The following FRMPD4 variants were observed in gnomAD, a reference collection of about 807,000 sequenced individuals.
The protein encoded by FRMPD4 is FERM and PDZ domain containing 4, also known as FERM and PDZ domain-containing protein 4.
In FRMPD4, 22 loss-of-function variants were observed where a neutral mutation model predicts 94.1. That is an observed-to-expected ratio of 0.23 (90% CI 0.17 to 0.33). FRMPD4 has a LOEUF of 0.33. FRMPD4 is among the 10% of genes least tolerant of loss of function. The pLI, the probability that FRMPD4 is intolerant of heterozygous loss-of-function variation, is 1.00. For synonymous variants in FRMPD4, 631 were observed against 548.6 expected (o/e 1.15, Z -2.10); for missense variants, 1,111 against 1,339.9 (o/e 0.83, Z 2.67).
chrX:12,701,834 A>C lies in FRMPD4; in HGVS notation c.934-40A>C, dbSNP rs762027673. The C allele has an allele frequency of 2.5e-6, 3 of 1,200,346 alleles. No individual in the cohort carries two copies. The Admixed American group carries it at 6.6e-5, about 26-fold the overall frequency. On this transcript the variant is annotated intron_variant, in intron 9 of 16. Coordinates refer to ENST00000675598, the MANE Select transcript of FRMPD4 (RefSeq NM_001368397.1). Reference sequence around the variant, plus strand: ...TCTGTAAGTCCACGCGCTGCGGCCTATTCTTTGACAAGCTGTGCCCCCTGC... The same window carrying C: ...TCTGTAAGTCCACGCGCTGCGGCCTCTTCTTTGACAAGCTGTGCCCCCTGC...
chrX:12,544,139 G>T (rs1316319740), intron 2 of FRMPD4, among the ~76,000 whole-genome samples: 1 of 108,133 alleles, frequency 9.2e-6, no homozygotes, highest in Non-Finnish European at 1.9e-5. Flanking sequence ...TAATGTAAAT[G>T]ACGAGTTAAT....
chrX:12,162,964 C>A (rs1269122034), intron 1 of FRMPD4, among the ~76,000 whole-genome samples: 1 of 111,804 alleles, frequency 8.9e-6, no homozygotes, highest in East Asian at 2.8e-4. Context: ...TCCAGATTGA[C>A]TGTATTAAAT....
intron 4 of FRMPD4, among the ~76,000 whole-genome samples, chrX:12,658,189 A>G (rs2059677994): frequency 8.9e-6 from 1 of 112,228 alleles, no homozygotes; most frequent in African/African-American, 3.2e-5. Flanking sequence ...ATTTAAAGTC[A>G]GCCTCTAGTA....
intron 1 of FRMPD4, among the ~76,000 whole-genome samples, chrX:12,275,461 A>T (rs988754842): frequency 1.3e-4 from 14 of 111,029 alleles, no homozygotes; most frequent in African/African-American, 4.3e-4. Flanking sequence ...GAACAACCTA[A>T]TACAGAATGC....
At chrX:12,053,426 GAA>G (rs1569149853) in intron 3 of FRMPD4, among the ~76,000 whole-genome samples, 9 of 93,144 alleles carry the variant, frequency 9.7e-5, no homozygotes, top group African/African-American at 1.2e-4. Context: ...AAGAAAGAAA[GAA>G]AGAGAAAGAA....
At chrX:11,869,523 C>T (rs1178088300) in intron 2 of FRMPD4, among the ~76,000 whole-genome samples, 2 of 111,897 alleles carry the variant, frequency 1.8e-5, no homozygotes, top group Non-Finnish European at 3.8e-5. Flanking sequence ...TTTAATCATA[C>T]CACATTATAT....
chrX:12,477,716 T>C (rs1051212514), intron 1 of FRMPD4, among the ~76,000 whole-genome samples: 3 of 112,943 alleles, frequency 2.7e-5, no homozygotes, highest in South Asian at 7.3e-4. Flanking sequence ...GACAAATATT[T>C]GTTACATGCT....
chrX:12,055,435 A>T, intron 3 of FRMPD4, among the ~76,000 whole-genome samples: 1 of 110,599 alleles, frequency 9.0e-6, no homozygotes, highest in East Asian at 2.9e-4. Flanking sequence ...ACCTCCCTGC[A>T]CCCCTCTCTT....
chrX:12,299,779 T>C (rs1023781937), intron 1 of FRMPD4, among the ~76,000 whole-genome samples: 2 of 112,005 alleles, frequency 1.8e-5, no homozygotes, highest in African/African-American at 6.5e-5. Context: ...AAGTAAGTCA[T>C]GCTGACAATA....
At chrX:12,133,488 G>A, upstream of FRMPD4, among the ~76,000 whole-genome samples, 1 of 110,899 alleles carries the variant, frequency 9.0e-6, no homozygotes, top group East Asian at 2.8e-4. Flanking sequence ...GCAGTAGCAT[G>A]ATCAGAGCTC....
intron 9 of FRMPD4, among the ~76,000 whole-genome samples, chrX:12,696,065 A>G (rs1190064615): frequency 8.9e-6 from 1 of 112,838 alleles, no homozygotes; most frequent in Non-Finnish European, 1.9e-5. Context: ...TGAATCCATT[A>G]TTATAATTGT....
intron 1 of FRMPD4, among the ~76,000 whole-genome samples, chrX:12,357,708 T>C (rs1229245332): frequency 1.8e-5 from 2 of 112,434 alleles, no homozygotes; most frequent in Non-Finnish European, 3.8e-5. Context: ...GTGAGGCACA[T>C]TTAACCTGCT....
chrX:12,090,563 G>A (rs751160613), intron 3 of FRMPD4, among the ~76,000 whole-genome samples: 16 of 110,417 alleles, frequency 1.4e-4, no homozygotes, highest in South Asian at 3.8e-4. Flanking sequence ...ACTTTTTTCC[G>A]ATACAGTGAG....
chrX:12,369,500 T>C (rs1260420268), intron 1 of FRMPD4, among the ~76,000 whole-genome samples: 3 of 112,318 alleles, frequency 2.7e-5, no homozygotes, highest in Non-Finnish European at 5.6e-5. Flanking sequence ...AGATGTGTAG[T>C]TTAGAATGGG....
At chrX:12,224,226 ATTTTG>A (rs1456425479) in intron 1 of FRMPD4, among the ~76,000 whole-genome samples, 9 of 111,341 alleles carry the variant, frequency 8.1e-5, no homozygotes, top group African/African-American at 2.6e-4. Flanking sequence ...TAACTTGGAT[ATTTTG>A]TTTTGTTTTA....
At chrX:11,949,585 C>T (rs897291443) in intron 3 of FRMPD4, among the ~76,000 whole-genome samples, 4 of 111,823 alleles carry the variant, frequency 3.6e-5, no homozygotes, top group African/African-American at 9.8e-5. Flanking sequence ...TATGTGTATA[C>T]GCATGTGTTG....
At chrX:12,137,335 G>GT (rs1288852727), upstream of FRMPD4, among the ~76,000 whole-genome samples, 1 of 112,889 alleles carries the variant, frequency 8.9e-6, no homozygotes, top group Non-Finnish European at 1.9e-5. Flanking sequence ...TTTAGTACTA[G>GT]GCTTGAATAC....
chrX:12,366,829 G>A (rs1352606956), intron 1 of FRMPD4, among the ~76,000 whole-genome samples: 3 of 111,991 alleles, frequency 2.7e-5, no homozygotes, highest in South Asian at 3.8e-4. Flanking sequence ...CACTTGAGCC[G>A]AAAGTTGAAT....
chrX:12,123,123 C>CTTTTTTTT (rs58251577), intron 3 of FRMPD4, among the ~76,000 whole-genome samples: 76 of 84,057 alleles, frequency 9.0e-4, no homozygotes, highest in Non-Finnish European at 1.5e-3. Flanking sequence ...ATTTTCTTTT[C>CTTTTTTTT]TTTTTTTTTT....
Sources: allele counts gnomAD v4.1 joint callset (sites outside exome capture counted in the v4.1 genomes callset), GRCh38; gene constraint gnomAD v4.1.1; transcripts MANE v1.5; gene names NCBI Gene and HGNC (gene_info 2026-07-23, HGNC 2026-07-21).